The following FLNB variants were observed in gnomAD, a reference collection of about 807,000 sequenced individuals.
FLNB encodes filamin B.
In FLNB, 111 loss-of-function variants were observed where a neutral mutation model predicts 250.6. The observed-to-expected ratio is 0.44, with a 90% CI of 0.38 to 0.52. The LOEUF (loss-of-function observed/expected upper bound fraction) is 0.52, where lower values mean the gene tolerates loss of function less well. Among genes scored for constraint, FLNB ranks in the 20% least tolerant of loss-of-function variants. FLNB has a pLI of 0.00. For synonymous variants in FLNB, 1,302 were observed against 1,372.1 expected, an observed-to-expected ratio of 0.95 and a Z score of 1.13; for missense variants, 2,869 against 3,447.8, an observed-to-expected ratio of 0.83 and a Z score of 4.20.
At chr3:58,021,457 C>T (rs1011611347) in intron 1 of FLNB, among the ~76,000 whole-genome samples, 1 of 151,988 alleles carries the variant, frequency 6.6e-6, no homozygotes, top group African/African-American at 2.4e-5. Context: ...AGCTTCTAGC[C>T]ATCTGGAGGC....
At chr3:58,145,781 G>A (rs765303363) in intron 32 of FLNB, 140 bp from the exon 33 acceptor site, 35 of 962,910 alleles carry the variant, frequency 3.6e-5, no homozygotes, top group Non-Finnish European at 5.9e-5. Flanking sequence ...AGGTGCATGT[G>A]CATCTCCTTC....
intron 6 of FLNB, among the ~76,000 whole-genome samples, chr3:58,097,333 C>A (rs1052228796): frequency 6.6e-6 from 1 of 152,080 alleles, no homozygotes; most frequent in Non-Finnish European, 1.5e-5. Context: ...AATTACCCCC[C>A]AAAAATTTCA....
rs13062947 is a variant in FLNB at position 58,077,604 on chromosome 3, C to T, written c.541+310C>T. ...CCAGACTCCAAAATCCTGTGTCTTC[C>T]CACATTGGTGCTCAGTTTCTCATTG... On this transcript the variant is annotated intron_variant, in intron 2 of 45. Transcript: ENST00000295956. 0.26 allele frequency among the ~76,000 whole-genome samples: 39,224 copies of T among 152,142 alleles called. 6,042 individuals carry two copies. The highest frequency in any genetic ancestry group is 0.4 in the Middle Eastern group (119 of 294).
intron 12 of FLNB, among the ~76,000 whole-genome samples, 179 bp from the exon 13 acceptor site, chr3:58,108,279 G>A (rs2097263041): frequency 6.6e-6 from 1 of 152,166 alleles, no homozygotes; most frequent in African/African-American, 2.4e-5. Context: ...AGAGACATTT[G>A]TTTTTAAGTT....
At chr3:58,120,992 G>A (rs550492469) in intron 19 of FLNB, among the ~76,000 whole-genome samples, 1 of 152,336 alleles carries the variant, frequency 6.6e-6, no homozygotes, top group South Asian at 2.1e-4. Flanking sequence ...CATATAAAAT[G>A]CATTCAGTAA....
intron 9 of FLNB, 89 bp from the exon 10 acceptor site, chr3:58,103,870 C>G (rs1035883415): frequency 2.1e-5 from 32 of 1,509,092 alleles, no homozygotes; most frequent in Middle Eastern, 1.8e-4. Flanking sequence ...ATGTTTTGTT[C>G]AGTGTGGCTG....
chr3:58,104,505 G>C (rs1278730243), intron 10 of FLNB, among the ~76,000 whole-genome samples: 1 of 152,244 alleles, frequency 6.6e-6, no homozygotes, highest in Non-Finnish European at 1.5e-5. Context: ...GCAGTCTACA[G>C]CTTTGCCTTG....
intron 1 of FLNB, among the ~76,000 whole-genome samples, chr3:58,072,549 G>A (rs962657348): frequency 6.6e-6 from 1 of 152,288 alleles, no homozygotes; most frequent in East Asian, 1.9e-4. Flanking sequence ...TTTCATTTTC[G>A]AGGCTTGGGG....
At chr3:58,084,757 GC>G (rs2097214705) in intron 4 of FLNB, among the ~76,000 whole-genome samples, 1 of 152,020 alleles carries the variant, frequency 6.6e-6, no homozygotes, top group African/African-American at 2.4e-5. Flanking sequence ...AAACAATAGC[GC>G]CCCATTCTCC....
intron 1 of FLNB, among the ~76,000 whole-genome samples, chr3:58,022,062 C>G (rs1350118632): frequency 6.6e-6 from 1 of 152,184 alleles, no homozygotes; most frequent in African/African-American, 2.4e-5. Flanking sequence ...CATGAGCCAC[C>G]TCACTTGGCC....
Position 58,170,716 on chromosome 3 carries a change from G to T in FLNB, c.7763G>T (p.Gly2588Val). The T allele has an allele frequency of 6.2e-7, 1 of 1,614,160 alleles. No homozygotes were observed. Among genetic ancestry groups the T allele is most frequent in the Non-Finnish European group, 8.5e-7 (1 of 1,180,034 alleles). Reference sequence around the variant, plus strand: ...GATTATGTGCTGGCTGTGAAGTGGGGGGAGGAACACATCCCTGGCAGCCCT... The same window carrying T: ...GATTATGTGCTGGCTGTGAAGTGGGTGGAGGAACACATCCCTGGCAGCCCT... Reference protein sequence around the residue: ...RGDYVLAVKWGEEHIPGSPFH... With the variant: ...RGDYVLAVKWVEEHIPGSPFH... The change falls in exon 46 of 46, where the codon GGG becomes GTG. Residue 2588 changes from glycine to valine, a missense_variant. Transcript: ENST00000295956.
At chr3:58,148,126 G>T in intron 34 of FLNB, 80 bp from the exon 35 acceptor site, 1 of 1,440,202 alleles carries the variant, frequency 6.9e-7, no homozygotes, top group Admixed American at 1.7e-5. Context: ...GTTCATCCGT[G>T]AACAGCATAT....
chr3:58,099,597 C>G (rs765555332), intron 8 of FLNB, among the ~76,000 whole-genome samples: 1 of 152,162 alleles, frequency 6.6e-6, no homozygotes, highest in Non-Finnish European at 1.5e-5. Context: ...CTAACCCACA[C>G]TTGCCTTTCC....
chr3:58,052,212 C>T (rs13321163), intron 1 of FLNB, among the ~76,000 whole-genome samples: 1 of 152,084 alleles, frequency 6.6e-6, no homozygotes, highest in Non-Finnish European at 1.5e-5. Flanking sequence ...TATATCCACA[C>T]TTGGAATACA....
In FLNB at chr3:58,169,729, G is replaced by A. The variant is rs1279094806; in HGVS notation, c.7557G>A (p.Gly2519=). The change falls in exon 45 of 46, where the codon GGG becomes GGA. Residue 2519 remains glycine, a synonymous_variant. Transcript: ENST00000295956. The surrounding 1 kb of genome is among the most constrained non-coding windows in gnomAD (Gnocchi z 4.8). ...SSDASKVTSK[G]AGLSKAFVGQ... is the part of the protein sequence containing the mutation. ...ACGCCAGCAAGGTGACCTCTAAGGG[G>A]GCAGGGCTCTCAAAGGCCTTTGTGG... 1 of 1,614,118 alleles carries A rather than the reference G, an allele frequency of 6.2e-7. No homozygotes were observed.
intron 7 of FLNB, 141 bp downstream of exon 7, chr3:58,098,118 A>G (rs2097242322): frequency 1.1e-6 from 1 of 926,140 alleles, no homozygotes; most frequent in Non-Finnish European, 1.7e-6. Flanking sequence ...CAAATGTGTT[A>G]TATTAGATTT....
chr3:58,011,266 G>A (rs1012594564), intron 1 of FLNB, among the ~76,000 whole-genome samples: 6 of 152,068 alleles, frequency 3.9e-5, no homozygotes, highest in Admixed American at 3.9e-4. Context: ...CCATTGTCCC[G>A]ACGTTCCAGG....
intron 11 of FLNB, among the ~76,000 whole-genome samples, chr3:58,105,958 A>G (rs1420020192): frequency 1.3e-5 from 2 of 152,238 alleles, no homozygotes; most frequent in Non-Finnish European, 2.9e-5. Flanking sequence ...TAGAGATAAT[A>G]TTAAGTCTTT....
chr3:58,122,975 A>G, intron 20 of FLNB, 118 bp from the exon 21 acceptor site: 1 of 937,568 alleles, frequency 1.1e-6, no homozygotes, highest in South Asian at 1.3e-5. Context: ...TAAAGCCCCA[A>G]GAGAAGGGCT....
Sources: gnomAD v4.1 joint callset for allele counts (sites outside exome capture counted in the v4.1 genomes callset) on GRCh38, gnomAD v4.1.1 for gene constraint, Gnocchi (gnomAD v3.1) non-coding constraint, MANE v1.5 for transcripts, NCBI Gene and HGNC (gene_info 2026-07-23, HGNC 2026-07-21) for gene names.